Variants in OLAH observed in about 807,000 individuals in gnomAD.
The protein encoded by OLAH is S-acyl fatty acid synthase thioesterase, medium chain.
A neutral mutation model predicts 27.8 loss-of-function variants in OLAH; 33 were observed. That is an observed-to-expected ratio of 1.19 (90% CI 0.90 to 1.59). The LOEUF (loss-of-function observed/expected upper bound fraction) is 1.59, where lower values mean the gene tolerates loss of function less well. Ranked by LOEUF, OLAH falls within the 40% of genes most tolerant of loss-of-function variation. The pLI is 0.00. For missense variants in OLAH, 359 were observed against 310.8 expected (o/e 1.16, Z -1.17); for synonymous variants, 120 against 102.9 (o/e 1.17, Z -1.01).
In OLAH at chr10:15,035,229, G is replaced by A. The variant is rs540801098; in HGVS notation, c.-164+2879G>A. The stretch of plus-strand genomic sequence containing the variant: ...GGAAGCCACGGACCAGAGAAAGCCC[G>A]GTATAGTCGGAGTGTGACTTCCAAA... On this transcript the variant is annotated intron_variant, in intron 1 of 3. Coordinates refer to the OLAH transcript ENST00000413672. Among the ~76,000 whole-genome samples the A allele has an allele frequency of 3.0e-4, 45 of 152,294 alleles. 1 individual carries two copies. Among genetic ancestry groups the A allele is most frequent in the Admixed American group, 2.0e-3 (30 of 15,290 alleles).
chr10:15,070,484 T>C (rs1225755284), intron 6 of OLAH, among the ~76,000 whole-genome samples: 1 of 152,184 alleles, frequency 6.6e-6, no homozygotes, highest in Non-Finnish European at 1.5e-5. Context: ...GTTGTTGTTT[T>C]GTTTTGCTTT....
At chr10:15,038,054 G>C in intron 1 of OLAH, among the ~76,000 whole-genome samples, 1 of 152,252 alleles carries the variant, frequency 6.6e-6, no homozygotes, top group East Asian at 1.9e-4. Flanking sequence ...GTGTGACCCA[G>C]ATGCAAGACA....
At chr10:15,046,560 C>T (rs1291519664) in intron 1 of OLAH, among the ~76,000 whole-genome samples, 3 of 151,710 alleles carry the variant, frequency 2.0e-5, no homozygotes, top group Admixed American at 6.6e-5. Context: ...CTTCATCTCC[C>T]GGGTTCAAGC....
At chr10:15,037,938 C>A (rs1283225486) in intron 1 of OLAH, among the ~76,000 whole-genome samples, 2 of 152,220 alleles carry the variant, frequency 1.3e-5, no homozygotes, top group African/African-American at 4.8e-5. Flanking sequence ...CTGGATGAAC[C>A]AGGAAAAACC....
chr10:15,062,141 G>A lies in OLAH; in HGVS notation c.302+279G>A, dbSNP rs971977898. On this transcript the variant is annotated intron_variant, in intron 4 of 7. Coordinates refer to ENST00000378228, the MANE Select transcript of OLAH (RefSeq NM_001039702.3). ...TTTGAAATAAGAAATTATGCAAAGA[G>A]TATATGTTTCTTAAGCTACGTTGTA... 3 of 283,488 alleles carry A rather than the reference G, an allele frequency of 1.1e-5. No homozygotes were observed. The Admixed American group carries it at 1.4e-4, about 14-fold the overall frequency. 17.6% of individuals were successfully genotyped at this position (283,488 alleles called of 1,614,324 possible).
chr10:15,062,082 C>A, intron 4 of OLAH: 1 of 438,622 alleles, frequency 2.3e-6, no homozygotes. Flanking sequence ...CTTGTAAAAC[C>A]AAGACTTTAA....
intron 5 of OLAH, among the ~76,000 whole-genome samples, 190 bp downstream of exon 5, chr10:15,064,692 C>G (rs1394453623): frequency 6.6e-6 from 1 of 152,210 alleles, no homozygotes; most frequent in Non-Finnish European, 1.5e-5. Context: ...GAGTCTCATT[C>G]TGCTGCCCAG....
At chr10:15,042,728 T>C (rs77453508), upstream of OLAH, among the ~76,000 whole-genome samples, 9 of 152,128 alleles carry the variant, frequency 5.9e-5, no homozygotes, top group Non-Finnish European at 1.0e-4. Context: ...AACCCAAGCC[T>C]TCTTTTCATC....
At chr10:15,069,451 C>T (rs1443168537) in intron 6 of OLAH, among the ~76,000 whole-genome samples, 1 of 152,190 alleles carries the variant, frequency 6.6e-6, no homozygotes, top group Non-Finnish European at 1.5e-5. Flanking sequence ...CAGACCTGGT[C>T]AGGTGGCAGT....
intron 3 of OLAH, among the ~76,000 whole-genome samples, chr10:15,055,270 C>T (rs149633460): frequency 4.6e-5 from 7 of 152,294 alleles, no homozygotes; most frequent in African/African-American, 1.2e-4. Flanking sequence ...AGCAAGAATA[C>T]GTCATTCCAC....
intron 1 of OLAH, among the ~76,000 whole-genome samples, chr10:15,034,517 G>A (rs1366840607): frequency 6.6e-6 from 1 of 152,210 alleles, no homozygotes; most frequent in African/African-American, 2.4e-5. Context: ...ATACAATGAA[G>A]AAGGAAGGAT....
chr10:15,048,592 C>T (rs973753362), intron 2 of OLAH, among the ~76,000 whole-genome samples: 14 of 152,308 alleles, frequency 9.2e-5, no homozygotes, highest in Admixed American at 5.2e-4. Context: ...ATAAAACTTA[C>T]ATATAACTTG....
chr10:15,043,728 A>G (rs992937037), upstream of OLAH, among the ~76,000 whole-genome samples: 1 of 152,044 alleles, frequency 6.6e-6, no homozygotes, highest in African/African-American at 2.4e-5. Context: ...TTAGCCTCCC[A>G]AAGTGCTGGG....
chr10:15,036,092 G>A (rs1843837037), intron 1 of OLAH, among the ~76,000 whole-genome samples: 1 of 152,148 alleles, frequency 6.6e-6, no homozygotes, highest in African/African-American at 2.4e-5. Flanking sequence ...GAAGGTCCTG[G>A]CCCAGACGCT....
chr10:15,038,323 T>C (rs1321532099), intron 1 of OLAH, among the ~76,000 whole-genome samples: 1 of 152,140 alleles, frequency 6.6e-6, no homozygotes, highest in Non-Finnish European at 1.5e-5. Context: ...CTGAAATGAG[T>C]TAAGACTTTG....
intron 6 of OLAH, among the ~76,000 whole-genome samples, chr10:15,071,319 G>A (rs141955031): frequency 0.011 from 1,623 of 152,246 alleles, 15 homozygotes; most frequent in Middle Eastern, 0.017. Context: ...CTCCCAGCCA[G>A]TCTCTCAGCT....
intron 6 of OLAH, among the ~76,000 whole-genome samples, chr10:15,068,454 G>A (rs893345222): frequency 5.9e-5 from 9 of 152,194 alleles, no homozygotes; most frequent in South Asian, 4.1e-4. Context: ...GTGCAATGGC[G>A]CGATCTCAGC....
At chr10:15,050,581 G>A (rs1325879104) in intron 3 of OLAH, among the ~76,000 whole-genome samples, 9 of 123,158 alleles carry the variant, frequency 7.3e-5, no homozygotes, top group Admixed American at 2.1e-4. Context: ...TGGCTCTGTC[G>A]CCCAGGCTGG....
At position 15,062,167 on chromosome 10, in the gene OLAH, T is replaced by C. The variant is rs1844381092; in HGVS notation, c.302+305T>C. The C allele has an allele frequency of 2.4e-5, 5 of 208,592 alleles. No individual in the cohort carries two copies. In the South Asian group the frequency reaches 6.0e-4, roughly 25 times the overall value. The allele number at this position is 208,592 out of a possible 1,614,324, so 12.9% of individuals were successfully genotyped here. ...TATATGTTTCTTAAGCTACGTTGTA[T>C]AATTCTGAGGTTAAGTCAGAGACCC... On this transcript the variant is annotated intron_variant, in intron 4 of 7. Coordinates refer to ENST00000378228, the MANE Select transcript of OLAH (RefSeq NM_001039702.3).
Sources: allele counts gnomAD v4.1 joint callset (sites outside exome capture counted in the v4.1 genomes callset), GRCh38; gene constraint gnomAD v4.1.1; transcripts MANE v1.5; gene names NCBI Gene and HGNC (gene_info 2026-07-23, HGNC 2026-07-21).